C16orf46: variants seen among roughly 807,000 people sequenced by gnomAD.
C16orf46 encodes uncharacterized protein C16orf46.
A neutral mutation model predicts 5.5 loss-of-function variants in C16orf46; 7 were observed. The observed-to-expected ratio is 1.28, with a 90% CI of 0.73 to 2.40. The LOEUF (loss-of-function observed/expected upper bound fraction) is 2.40, where lower values mean the gene tolerates loss of function less well. Among genes scored for constraint, C16orf46 ranks in the 30% most tolerant of loss-of-function variants. The pLI is 0.00. For missense variants in C16orf46, 614 were observed against 476.0 expected, an observed-to-expected ratio of 1.29 and a Z score of -2.70; for synonymous variants, 200 against 184.1, an observed-to-expected ratio of 1.09 and a Z score of -0.70.
In C16orf46 at chr16:81,062,958, C is replaced by A. The variant is rs1303183399; in HGVS notation, c.210+788G>T. On this transcript the variant is annotated intron_variant, in intron 3 of 3. Coordinates refer to ENST00000299578, the MANE Select transcript of C16orf46 (RefSeq NM_152337.3). ...ATTCTATGAATTGTTTAAGAGTAAGCCTGCAGACCAGGCGCAGTGGCTCAG... is the reference window on the plus strand; with the variant it reads ...ATTCTATGAATTGTTTAAGAGTAAGACTGCAGACCAGGCGCAGTGGCTCAG... Among the ~76,000 whole-genome samples, 3 of 148,296 alleles carry A rather than the reference C, an allele frequency of 2.0e-5. No homozygotes were observed. The Admixed American group carries it at 2.0e-4, about 10-fold the overall frequency.
chr16:81,055,676 A>C (rs1971274266), intron 3 of C16orf46, among the ~76,000 whole-genome samples: 1 of 152,176 alleles, frequency 6.6e-6, no homozygotes, highest in African/African-American at 2.4e-5. Flanking sequence ...CCTGGGTAAC[A>C]GGTGAAACTC....
At chr16:81,056,344 C>T (rs982985051), downstream of C16orf46, 1 of 152,184 alleles carries the variant, frequency 6.6e-6, no homozygotes, top group African/African-American at 2.4e-5. Flanking sequence ...ATGCCCACAA[C>T]TCTTCCTGTC....
chr16:81,058,309 T>C (rs998893049), downstream of C16orf46, among the ~76,000 whole-genome samples: 2 of 152,238 alleles, frequency 1.3e-5, no homozygotes, highest in African/African-American at 2.4e-5. Context: ...ACACTGGATT[T>C]ATCCTGAGAC....
intron 1 of C16orf46, chr16:81,076,569 T>C (rs895355215): frequency 6.6e-5 from 10 of 152,372 alleles, no homozygotes; most frequent in African/African-American, 2.2e-4. Context: ...ACTAAGTACC[T>C]AGCACTGAGA....
At chr16:81,067,501 A>G (rs1451908713) in intron 1 of C16orf46, among the ~76,000 whole-genome samples, 9 of 152,170 alleles carry the variant, frequency 5.9e-5, no homozygotes, top group Admixed American at 5.2e-4. Flanking sequence ...CCAGGGTACA[A>G]TGAATTTTGA....
chr16:81,071,660 C>G (rs36056886), intron 1 of C16orf46, among the ~76,000 whole-genome samples: 3,909 of 152,028 alleles, frequency 0.026, 86 homozygotes, highest in African/African-American at 0.061. Context: ...GTGGGGGATC[C>G]CATGGGCCCC....
chr16:81,061,728 G>T lies in C16orf46; in HGVS notation c.621C>A (p.Ala207=). ...CCTTCAGGGGAGGCAGAACTAGGAGGGCCCTGGAAGTCAGGGGGCCTGGGA... is the reference window on the plus strand; with the variant it reads ...CCTTCAGGGGAGGCAGAACTAGGAGTGCCCTGGAAGTCAGGGGGCCTGGGA... ...LSIPGPLTSR[A]LLVLPPLKAS... Residue 207 remains alanine, a synonymous_variant, in exon 4 of 4, where the codon GCC becomes GCA. Transcript: ENST00000299578. The T allele has an allele frequency of 6.2e-7, 1 of 1,613,994 alleles. No homozygotes were observed. The highest frequency in any genetic ancestry group is 2.2e-5 in the East Asian group (1 of 44,890).
In C16orf46 at chr16:81,062,010, G is replaced by A; in HGVS notation, c.339C>T (p.Leu113=). ...LVCVNLSHWS[L]QTKPPTEGGP... ...CCCCCTCAGTAGGAGGCTTGGTCTG[G>A]AGGCTCCAGTGGGAGAGGTTAACAC... is the stretch of plus-strand genomic sequence containing the variant. Residue 113 remains leucine, a synonymous_variant, in exon 4 of 4, where the codon CTC becomes CTT. Transcript: ENST00000299578. The A allele has an allele frequency of 6.2e-7, 1 of 1,614,036 alleles. No homozygotes were observed. The highest frequency in any genetic ancestry group is 8.5e-7 in the Non-Finnish European group (1 of 1,180,024).
downstream of C16orf46, chr16:81,060,778 C>A: frequency 4.8e-6 from 1 of 206,850 alleles, no homozygotes; most frequent in Non-Finnish European, 9.6e-6. Context: ...TGCCAGATGG[C>A]TCTGGGCTGA....
chr16:81,063,717 G>A (rs768303832), intron 3 of C16orf46, 29 bp downstream of exon 3: 15 of 1,576,048 alleles, frequency 9.5e-6, no homozygotes, highest in Non-Finnish European at 1.3e-5. Context: ...GCGAGAGACA[G>A]AAAAGCTGTG....
chr16:81,070,773 C>T (rs541579240), intron 1 of C16orf46, among the ~76,000 whole-genome samples: 19 of 152,166 alleles, frequency 1.2e-4, no homozygotes, highest in South Asian at 2.1e-4. Flanking sequence ...CTGCAACCTC[C>T]GCCTCCGAGG....
At chr16:81,065,812 TTTTTATTTTG>T (rs1971635701) in intron 2 of C16orf46, among the ~76,000 whole-genome samples, 1 of 117,052 alleles carries the variant, frequency 8.5e-6, no homozygotes, top group African/African-American at 3.2e-5. Flanking sequence ...AGGCTTAGTT[TTTTTATTTTG>T]TTTTGTTTTG....
chr16:81,058,987 T>C (rs993753360), downstream of C16orf46, among the ~76,000 whole-genome samples: 9 of 152,110 alleles, frequency 5.9e-5, no homozygotes, highest in East Asian at 1.9e-4. Context: ...AAGAGGAAAA[T>C]GATCCCTGAT....
chr16:81,058,696 C>G (rs1971375119), downstream of C16orf46, among the ~76,000 whole-genome samples: 1 of 152,178 alleles, frequency 6.6e-6, no homozygotes, highest in South Asian at 2.1e-4. Flanking sequence ...TATATTTGAT[C>G]CACTCAATAC....
At chr16:81,068,639 A>G (rs1038472275) in intron 1 of C16orf46, among the ~76,000 whole-genome samples, 5 of 142,388 alleles carry the variant, frequency 3.5e-5, no homozygotes, top group Non-Finnish European at 7.5e-5. Flanking sequence ...GCCTCAAGTG[A>G]TCCTCTCATT....
chr16:81,075,980 A>G (rs1972026985), intron 1 of C16orf46, among the ~76,000 whole-genome samples: 1 of 152,186 alleles, frequency 6.6e-6, no homozygotes, highest in Non-Finnish European at 1.5e-5. Context: ...ACACACCCTC[A>G]TCTTCCTACA....
intron 2 of C16orf46, among the ~76,000 whole-genome samples, chr16:81,064,226 A>G (rs1042771457): frequency 6.6e-6 from 1 of 151,896 alleles, no homozygotes; most frequent in Admixed American, 6.6e-5. Context: ...TCTACTAAAA[A>G]TAAGGCGGGC....
intron 2 of C16orf46, 27 bp from the exon 3 acceptor site, chr16:81,064,020 G>A (rs1971572829): frequency 1.0e-5 from 12 of 1,200,270 alleles, no homozygotes; most frequent in Non-Finnish European, 1.2e-5. Flanking sequence ...ATGGAACTTC[G>A]TTTTTAATAT....
At chr16:81,063,248 A>T (rs990595666) in intron 3 of C16orf46, among the ~76,000 whole-genome samples, 15,575 of 116,810 alleles carry the variant, frequency 0.13, 948 homozygotes, top group Middle Eastern at 0.21. Flanking sequence ...ATCTCAGGGA[A>T]AAAAAAAAAA....
Sources: gnomAD v4.1 joint callset for allele counts (sites outside exome capture counted in the v4.1 genomes callset) on GRCh38, gnomAD v4.1.1 for gene constraint, MANE v1.5 for transcripts, NCBI Gene and HGNC (gene_info 2026-07-23, HGNC 2026-07-21) for gene names.